TENM3: variants seen among roughly 807,000 people sequenced by gnomAD.
The protein encoded by TENM3 is teneurin transmembrane protein 3, also known as teneurin-3.
TENM3 carries 63 observed loss-of-function variants against 255.1 expected under a neutral mutation model. The observed-to-expected ratio is 0.25, with a 90% CI of 0.20 to 0.30. The LOEUF (loss-of-function observed/expected upper bound fraction) is 0.30, where lower values mean the gene tolerates loss of function less well. Ranked by LOEUF, TENM3 falls within the 10% of genes least tolerant of loss-of-function variation. TENM3 has a pLI of 1.00. For missense variants in TENM3, 2,929 were observed against 3,461.1 expected, an observed-to-expected ratio of 0.85 and a Z score of 3.86; for synonymous variants, 1,306 against 1,322.3, an observed-to-expected ratio of 0.99 and a Z score of 0.27.
intron 1 of TENM3, among the ~76,000 whole-genome samples, chr4:182,161,262 A>T (rs1420786785): frequency 7.3e-6 from 1 of 137,686 alleles, no homozygotes; most frequent in Non-Finnish European, 1.6e-5. Flanking sequence ...TAAAAATACA[A>T]AAAATTAGCC....
the TENM3 span, among the ~76,000 whole-genome samples, chr4:181,613,294 C>T: frequency 6.6e-6 from 1 of 152,180 alleles, no homozygotes; most frequent in Non-Finnish European, 1.5e-5. Context: ...ATGTTTTCTG[C>T]CAAAGGATTC....
At chr4:182,001,633 A>T in the TENM3 span, among the ~76,000 whole-genome samples, 1 of 152,160 alleles carries the variant, frequency 6.6e-6, no homozygotes, top group Non-Finnish European at 1.5e-5. Context: ...TTGTTCTGAA[A>T]AAAAATATAT....
chr4:182,486,449 AGGAATGG>A (rs1734732873), intron 3 of TENM3, among the ~76,000 whole-genome samples: 1 of 152,180 alleles, frequency 6.6e-6, no homozygotes, highest in Non-Finnish European at 1.5e-5. Context: ...CCTCCTTTGT[AGGAATGG>A]GGAGCATGAT....
intron 1 of TENM3, among the ~76,000 whole-genome samples, chr4:182,225,627 C>A (rs1246239673): frequency 6.6e-6 from 1 of 152,038 alleles, no homozygotes; most frequent in Non-Finnish European, 1.5e-5. Flanking sequence ...ACGGGAGGAG[C>A]CTTGAGGTTC....
At chr4:182,299,055 C>T (rs1211306709) in intron 1 of TENM3, among the ~76,000 whole-genome samples, 4 of 134,896 alleles carry the variant, frequency 3.0e-5, no homozygotes, top group Non-Finnish European at 6.2e-5. Flanking sequence ...AGAAATGAAG[C>T]TTCTCAGTCA....
chr4:182,211,199 T>A (rs1245274243), intron 1 of TENM3, among the ~76,000 whole-genome samples: 2 of 152,234 alleles, frequency 1.3e-5, no homozygotes. Context: ...AAAGGTAGTA[T>A]TCATAAAGCT....
At chr4:181,555,091 A>G in the TENM3 span, among the ~76,000 whole-genome samples, 1 of 152,226 alleles carries the variant, frequency 6.6e-6, no homozygotes, top group Non-Finnish European at 1.5e-5. Context: ...ATTGCCTGTT[A>G]TTAATAATGA....
At chr4:181,716,110 G>A in the TENM3 span, among the ~76,000 whole-genome samples, 1 of 152,220 alleles carries the variant, frequency 6.6e-6, no homozygotes, top group South Asian at 2.1e-4. Context: ...ATCTATGTTT[G>A]GATTAAAATG....
chr4:181,970,862 A>T, the TENM3 span, among the ~76,000 whole-genome samples: 1 of 152,256 alleles, frequency 6.6e-6, no homozygotes, highest in Non-Finnish European at 1.5e-5. Flanking sequence ...TGAGCTGCAA[A>T]TACATGTCCT....
the TENM3 span, among the ~76,000 whole-genome samples, chr4:182,052,065 C>G: frequency 5.3e-5 from 8 of 152,066 alleles, no homozygotes; most frequent in Admixed American, 5.2e-4. Context: ...TATTAAACAT[C>G]CTACAGTGCA....
chr4:181,935,539 G>A, the TENM3 span, among the ~76,000 whole-genome samples: 2,552 of 152,182 alleles, frequency 0.017, 68 homozygotes, highest in African/African-American at 0.058. Flanking sequence ...CCCAGCTACC[G>A]GGCATCACTA....
the TENM3 span, among the ~76,000 whole-genome samples, chr4:181,927,171 T>C: frequency 6.6e-6 from 1 of 152,164 alleles, no homozygotes. Context: ...AACCGTTCAC[T>C]TCCCCAGAAA....
rs191110605 is a variant in TENM3 at position 182,158,596 on chromosome 4, C to G, written c.-76+13842C>G. ...GCTTTAAAGCAGAAACCTAGGCTGC[C>G]GGCAGGTCTTCTGTACAGAATTACT... On this transcript the variant is annotated intron_variant, in intron 1 of 2. Transcript: ENST00000512480. Among the ~76,000 whole-genome samples, 13 of 152,198 alleles carry G rather than the reference C, an allele frequency of 8.5e-5. No homozygotes were observed. The East Asian group carries it at 2.5e-3, about 29-fold the overall frequency.
chr4:182,311,837 C>G (rs1483075189), intron 1 of TENM3, among the ~76,000 whole-genome samples: 1 of 152,144 alleles, frequency 6.6e-6, no homozygotes, highest in Admixed American at 6.5e-5. Context: ...CACAGACTTC[C>G]CAACTATCAC....
intron 3 of TENM3, among the ~76,000 whole-genome samples, chr4:182,431,115 G>A (rs185642402): frequency 8.0e-4 from 122 of 152,218 alleles, no homozygotes; most frequent in Non-Finnish European, 1.4e-3. Flanking sequence ...GAGAAAAGGG[G>A]AGACAATGAA....
the TENM3 span, among the ~76,000 whole-genome samples, chr4:181,760,663 G>T: frequency 3.9e-5 from 6 of 152,046 alleles, no homozygotes; most frequent in Non-Finnish European, 8.8e-5. Context: ...GGAGACATTT[G>T]ATAAGTAGGA....
the TENM3 span, among the ~76,000 whole-genome samples, chr4:181,775,233 A>G: frequency 6.6e-6 from 1 of 152,130 alleles, no homozygotes; most frequent in Non-Finnish European, 1.5e-5. Context: ...GTATGATATC[A>G]GCTCACTCCT....
chr4:182,573,192 G>A (rs1433959130), intron 3 of TENM3, among the ~76,000 whole-genome samples: 1 of 152,098 alleles, frequency 6.6e-6, no homozygotes, highest in Non-Finnish European at 1.5e-5. Context: ...CGTCACTTAG[G>A]TTTTGTATCT....
the TENM3 span, among the ~76,000 whole-genome samples, chr4:181,765,500 A>G: frequency 0.024 from 3,698 of 152,358 alleles, 66 homozygotes; most frequent in Non-Finnish European, 0.038. Context: ...AAAAAGGGAA[A>G]AGAACAACAC....
Sources: allele counts gnomAD v4.1 joint callset (sites outside exome capture counted in the v4.1 genomes callset), GRCh38; gene constraint gnomAD v4.1.1; transcripts MANE v1.5; gene names NCBI Gene and HGNC (gene_info 2026-07-23, HGNC 2026-07-21).